PBRM1: variants seen among roughly 807,000 people sequenced by gnomAD.
The protein encoded by PBRM1 is polybromo 1, also known as protein polybromo-1.
Under a neutral mutation model 194.5 loss-of-function variants are expected in PBRM1, and 27 were observed. The ratio of observed to expected loss-of-function variants is 0.14; its 90% CI spans 0.10 to 0.19. The LOEUF is 0.19. Among genes scored for constraint, PBRM1 ranks in the 10% least tolerant of loss-of-function variants. The pLI, the probability that PBRM1 is intolerant of heterozygous loss-of-function variation, is 1.00. For synonymous variants in PBRM1, 655 were observed against 693.2 expected, an observed-to-expected ratio of 0.94 and a Z score of 0.87; for missense variants, 1,466 against 2,077.2, an observed-to-expected ratio of 0.71 and a Z score of 5.72.
chr3:52,582,733 A>T (rs909094723), intron 20 of PBRM1, among the ~76,000 whole-genome samples: 1 of 152,102 alleles, frequency 6.6e-6, no homozygotes, highest in Non-Finnish European at 1.5e-5. Context: ...GTCGCCTCTT[A>T]CGTAGAATCT....
rs2153757216 is a variant in PBRM1 at position 52,586,418 on chromosome 3, T to C, written c.3387+7A>G. ...AAATTTTTTCTGTGTGGCTATTATCTGCATACCTTTTCCAAGTTAAAATTG... is the reference window on the plus strand; with the variant it reads ...AAATTTTTTCTGTGTGGCTATTATCCGCATACCTTTTCCAAGTTAAAATTG... On this transcript the variant is annotated splice_region_variant and intron_variant, in intron 20 of 29. Transcript: ENST00000296302. 1 of 1,608,850 alleles carries C rather than the reference T, an allele frequency of 6.2e-7. No homozygotes were observed. Among genetic ancestry groups the C allele is most frequent in the Non-Finnish European group, 8.5e-7 (1 of 1,175,880 alleles).
intron 16 of PBRM1, among the ~76,000 whole-genome samples, chr3:52,606,018 G>A (rs1189878167): frequency 6.7e-6 from 1 of 148,944 alleles, no homozygotes; most frequent in Non-Finnish European, 1.5e-5. Context: ...TTTTCTTCTT[G>A]AGACACAGTC....
At chr3:52,634,897 C>A (rs890776204) in intron 10 of PBRM1, 82 bp from the exon 12 acceptor site, 2 of 903,414 alleles carry the variant, frequency 2.2e-6, no homozygotes, top group African/African-American at 3.4e-5. Flanking sequence ...TAACAACCTT[C>A]CAGATTGAAC....
At chr3:52,574,907 C>A (rs932892621) in intron 22 of PBRM1, among the ~76,000 whole-genome samples, 1 of 152,066 alleles carries the variant, frequency 6.6e-6, no homozygotes. Flanking sequence ...CAACAAAAAT[C>A]TTTTATTTTT....
At chr3:52,564,746 T>C (rs1007607212) in intron 22 of PBRM1, among the ~76,000 whole-genome samples, 1 of 152,022 alleles carries the variant, frequency 6.6e-6, no homozygotes, top group Admixed American at 6.6e-5. Flanking sequence ...AATAAACCAA[T>C]ATAATAGGGC....
exon 4 of PBRM1, chr3:52,662,256 T>C (rs2153929130): frequency 6.2e-7 from 1 of 1,613,182 alleles, no homozygotes; most frequent in South Asian, 1.1e-5. Flanking sequence ...TGCAAGCGGC[T>C]TTATATTCAG....
intron 27 of PBRM1, chr3:52,551,903 T>A (rs2081068129): frequency 6.6e-6 from 1 of 152,238 alleles, no homozygotes; most frequent in Non-Finnish European, 1.5e-5. Flanking sequence ...CTCAACTCCA[T>A]ATTGTTCCAA....
At chr3:52,619,380 C>T (rs924171135) in intron 13 of PBRM1, among the ~76,000 whole-genome samples, 3 of 152,140 alleles carry the variant, frequency 2.0e-5, no homozygotes, top group African/African-American at 7.2e-5. Context: ...TTCAAATCAT[C>T]TCTAAATTAC....
chr3:52,655,577 T>C (rs760565242), intron 5 of PBRM1, among the ~76,000 whole-genome samples: 30 of 152,328 alleles, frequency 2.0e-4, no homozygotes, highest in Middle Eastern at 3.4e-3. Context: ...CTTTGGAGTA[T>C]ATATCTAAAG....
At chr3:52,622,962 A>C (rs1254210511) in intron 13 of PBRM1, among the ~76,000 whole-genome samples, 2 of 152,244 alleles carry the variant, frequency 1.3e-5, no homozygotes, top group Non-Finnish European at 1.5e-5. Flanking sequence ...ACTCTCATTT[A>C]ATCTTCAAAT....
At chr3:52,597,271 G>A (rs369275202) in intron 17 of PBRM1, among the ~76,000 whole-genome samples, 3 of 152,264 alleles carry the variant, frequency 2.0e-5, no homozygotes, top group East Asian at 3.9e-4. Context: ...CTGATTTTTG[G>A]TTCTTATGAA....
chr3:52,602,391 G>A (rs955522200), intron 17 of PBRM1, among the ~76,000 whole-genome samples: 2 of 152,174 alleles, frequency 1.3e-5, no homozygotes, highest in Non-Finnish European at 2.9e-5. Flanking sequence ...TGACAGATCT[G>A]TGTATAGGTT....
intron 20 of PBRM1, among the ~76,000 whole-genome samples, chr3:52,579,555 G>A (rs993392068): frequency 3.9e-5 from 6 of 152,020 alleles, no homozygotes; most frequent in South Asian, 4.1e-4. Flanking sequence ...CTAGGATCAC[G>A]CCATTGTACT....
At chr3:52,576,413 T>C in intron 22 of PBRM1, 128 bp downstream of exon 24, 1 of 571,408 alleles carries the variant, frequency 1.8e-6, no homozygotes, top group Non-Finnish European at 2.9e-6. Context: ...TGCCCCAACA[T>C]AAGAGAACAG....
intron 1 of PBRM1, 44 bp downstream of exon 2, chr3:52,679,530 T>C (rs2097168895): frequency 3.2e-6 from 5 of 1,563,298 alleles, no homozygotes; most frequent in East Asian, 4.5e-5. Context: ...GATAGGGGAA[T>C]TGTGGGAAGA....
chr3:52,615,583 C>T (rs2094910531), intron 14 of PBRM1, 127 bp from the exon 17 acceptor site: 1 of 624,472 alleles, frequency 1.6e-6, no homozygotes, highest in Non-Finnish European at 2.8e-6. Context: ...CCAAAACCAG[C>T]CTCACTACAG....
chr3:52,551,667 A>G (rs2081018040), intron 27 of PBRM1, among the ~76,000 whole-genome samples: 1 of 152,254 alleles, frequency 6.6e-6, no homozygotes, highest in Non-Finnish European at 1.5e-5. Context: ...AGAAATAGGC[A>G]AGGGACCCAG....
chr3:52,548,111 G>C (rs774224630), exon 30 of PBRM1: 4 of 1,611,536 alleles, frequency 2.5e-6, no homozygotes, highest in East Asian at 4.5e-5. Flanking sequence ...GGGTGTCCCG[G>C]AGCATCAAAT....
At chr3:52,565,349 T>TA (rs2084841144) in intron 22 of PBRM1, among the ~76,000 whole-genome samples, 1 of 149,708 alleles carries the variant, frequency 6.7e-6, no homozygotes, top group South Asian at 2.1e-4. Context: ...CTACTAAAAA[T>TA]ACAAAAAAAT....
Sources: allele counts gnomAD v4.1 joint callset (sites outside exome capture counted in the v4.1 genomes callset), GRCh38; gene constraint gnomAD v4.1.1; transcripts MANE v1.5; gene names NCBI Gene and HGNC (gene_info 2026-07-23, HGNC 2026-07-21).